The following MID2 variants were observed in gnomAD, a reference collection of about 807,000 sequenced individuals.
The protein encoded by MID2 is midline 2, also known as probable E3 ubiquitin-protein ligase MID2.
A neutral mutation model predicts 46.1 loss-of-function variants in MID2; 13 were observed. That is an observed-to-expected ratio of 0.28 (90% CI 0.18 to 0.45). MID2 has a LOEUF of 0.45. Among genes scored for constraint, MID2 ranks in the 20% least tolerant of loss-of-function variants. The pLI is 1.00. For missense variants in MID2, 431 were observed against 575.4 expected (o/e 0.75, Z 2.57); for synonymous variants, 199 against 212.3 (o/e 0.94, Z 0.55).
chrX:107,891,232 T>C (rs1395581190), intron 3 of MID2, among the ~76,000 whole-genome samples: 6 of 109,394 alleles, frequency 5.5e-5, no homozygotes, highest in Non-Finnish European at 1.1e-4. Flanking sequence ...AGACTGGAGC[T>C]GTTCCTATTC....
rs1354135973 is a variant in MID2, at chrX:107,841,138, A to G, written c.473A>G (p.Glu158Gly). The change falls in exon 2 of 10, where the codon GAG (glutamate) becomes GGG (glycine). Residue 158 changes from glutamate to glycine, a missense_variant. By Grantham distance (98) the Glu-to-Gly change is moderately conservative. Coordinates refer to ENST00000262843, the MANE Select transcript of MID2 (RefSeq NM_012216.4). ...GCAGTAAAAACATGCATCACCTGTG[A>G]GGTCTCCTACTGTGACCGTTGCCTG... ...RDAVKTCITC[E>G]VSYCDRCLRA... 8.3e-7 allele frequency: 1 copy of G among 1,209,332 alleles called. No homozygotes were observed. The highest frequency in any genetic ancestry group is 1.8e-5 in the African/African-American group (1 of 56,965).
chrX:107,900,848 A>G (rs1019196718), intron 3 of MID2, among the ~76,000 whole-genome samples: 3 of 111,904 alleles, frequency 2.7e-5, no homozygotes, highest in African/African-American at 6.5e-5. Context: ...TGCTACCTTG[A>G]TTGGTTTCTT....
At chrX:107,885,529 C>T (rs1932433116) in intron 3 of MID2, among the ~76,000 whole-genome samples, 1 of 111,414 alleles carries the variant, frequency 9.0e-6, no homozygotes, top group African/African-American at 3.3e-5. Flanking sequence ...TATTGTTGGA[C>T]ATTTGGGTTA....
intron 6 of MID2, 111 bp downstream of exon 6, chrX:107,916,240 T>G (rs746012210): frequency 1.4e-4 from 84 of 581,741 alleles, no homozygotes; most frequent in South Asian, 6.4e-4. Flanking sequence ...TTTTATAATC[T>G]TTAAAATGAT....
At chrX:107,844,295 A>G (rs780000618) in intron 2 of MID2, among the ~76,000 whole-genome samples, 11 of 111,522 alleles carry the variant, frequency 9.9e-5, no homozygotes, top group Admixed American at 2.9e-4. Context: ...CAGTCTACCA[A>G]TAGGGTTGAG....
rs778492083 is a variant in MID2, at chrX:107,926,321, C to T, written c.1805+20C>T. 1 of 1,142,826 alleles carries T rather than the reference C, an allele frequency of 8.8e-7. No homozygotes were observed. Among genetic ancestry groups the T allele is most frequent in the South Asian group, 1.9e-5 (1 of 53,850 alleles). 94.2% of individuals were successfully genotyped at this position (1,142,826 alleles called of 1,213,427 possible). ...AACATGGTGAGTGGATCCCATTTTCCTTTTCTTTTCTGTCCTCTGTCATTA... is the reference window on the plus strand; with the variant it reads ...AACATGGTGAGTGGATCCCATTTTCTTTTTCTTTTCTGTCCTCTGTCATTA... On this transcript the variant is annotated intron_variant, in intron 9 of 9. Transcript: ENST00000262843.
At chrX:107,879,615 A>C (rs771388285) in intron 3 of MID2, among the ~76,000 whole-genome samples, 20 of 111,830 alleles carry the variant, frequency 1.8e-4, no homozygotes, top group Non-Finnish European at 3.4e-4. Context: ...GAGGGAAAAC[A>C]GGAATGGATG....
chrX:107,903,821 AC>A (rs763884705), intron 3 of MID2, 136 bp from the exon 4 acceptor site: 36 of 465,388 alleles, frequency 7.7e-5, no homozygotes, highest in Non-Finnish European at 1.2e-4. Context: ...CATCATCTCT[AC>A]CCTTCTTCTA....
chrX:107,929,313 C>G lies in MID2; in HGVS notation c.*2240C>G, dbSNP rs1198644705. ...AAACAAAAAAAAATGATTTTTTTCC[C>G]CTTCATCAAACTTTTCACTGGCTCC... On this transcript the variant is annotated 3_prime_UTR_variant, in exon 10 of 10. Transcript: ENST00000262843. Among the ~76,000 whole-genome samples the G allele has an allele frequency of 9.0e-6, 1 of 110,608 alleles. No homozygotes were observed. The highest frequency in any genetic ancestry group is 1.9e-5 in the Non-Finnish European group (1 of 52,752).
intron 3 of MID2, among the ~76,000 whole-genome samples, chrX:107,871,522 C>T (rs1465539926): frequency 1.8e-5 from 2 of 111,956 alleles, no homozygotes; most frequent in African/African-American, 6.5e-5. Flanking sequence ...GTGTTAACAG[C>T]TCAGTGGAGG....
At chrX:107,901,466 G>A (rs1319013782) in intron 3 of MID2, among the ~76,000 whole-genome samples, 3 of 111,618 alleles carry the variant, frequency 2.7e-5, no homozygotes, top group African/African-American at 6.5e-5. Context: ...TGAGTTTAGG[G>A]TAACTTGAGT....
chrX:107,834,356 A>G (rs754645765), intron 1 of MID2, among the ~76,000 whole-genome samples: 1 of 111,859 alleles, frequency 8.9e-6, no homozygotes, highest in South Asian at 3.7e-4. Context: ...ATGGCAATTG[A>G]TCGTGCCCTC....
intron 3 of MID2, among the ~76,000 whole-genome samples, chrX:107,882,995 T>G: frequency 8.9e-6 from 1 of 111,902 alleles, no homozygotes; most frequent in Non-Finnish European, 1.9e-5. Context: ...ACGTGGCACA[T>G]ATACACCGTG....
intron 3 of MID2, among the ~76,000 whole-genome samples, chrX:107,855,056 T>C (rs1471716834): frequency 9.0e-6 from 1 of 111,028 alleles, no homozygotes; most frequent in East Asian, 2.8e-4. Flanking sequence ...CATAGGGAAG[T>C]TGGGAATCCT....
rs781401349 is a variant in MID2, at chrX:107,930,785, A to G, written c.*3712A>G. 2.7e-5 allele frequency among the ~76,000 whole-genome samples: 3 copies of G among 112,660 alleles called. No homozygotes were observed. Among genetic ancestry groups the G allele is most frequent in the Admixed American group, 1.9e-4 (2 of 10,664 alleles). ...TAACATTTTCAAAGAAGGTGACTGC[A>G]TAAGCTTTTGTTGTTGTTGCTCTAC... On this transcript the variant is annotated 3_prime_UTR_variant, in exon 10 of 10. Coordinates refer to ENST00000262843, the MANE Select transcript of MID2 (RefSeq NM_012216.4).
intron 1 of MID2, among the ~76,000 whole-genome samples, chrX:107,829,846 C>T: frequency 8.9e-6 from 1 of 112,322 alleles, no homozygotes; most frequent in East Asian, 2.8e-4. Context: ...CTGGGAAGTA[C>T]TCCTGTAAAT....
At chrX:107,859,506 C>A (rs762577026) in intron 3 of MID2, among the ~76,000 whole-genome samples, 1 of 112,035 alleles carries the variant, frequency 8.9e-6, no homozygotes, top group Non-Finnish European at 1.9e-5. Context: ...AAAATGGTGC[C>A]TTAAGCACTG....
chrX:107,889,973 T>C (rs1231460124), intron 3 of MID2, among the ~76,000 whole-genome samples: 2 of 112,041 alleles, frequency 1.8e-5, no homozygotes, highest in Non-Finnish European at 3.8e-5. Flanking sequence ...CTCCATCAGG[T>C]CCTTTAAGGA....
rs764089514 is a variant in MID2, at chrX:107,927,732, T to C, written c.*659T>C. ...AACTAGAACAAAAAACTTTTTAATT[T>C]GCTAATTTGAGTGAGAAATATACTG... is the stretch of plus-strand genomic sequence containing the variant. On this transcript the variant is annotated 3_prime_UTR_variant, in exon 10 of 10. Coordinates refer to ENST00000262843, the MANE Select transcript of MID2 (RefSeq NM_012216.4). Among the ~76,000 whole-genome samples, 21 of 112,022 alleles carry C rather than the reference T, an allele frequency of 1.9e-4. No individual in the cohort carries two copies. The highest frequency in any genetic ancestry group is 4.6e-3 in the Middle Eastern group (1 of 218).
Sources: gnomAD v4.1 joint callset for allele counts (sites outside exome capture counted in the v4.1 genomes callset) on GRCh38, gnomAD v4.1.1 for gene constraint, MANE v1.5 for transcripts, NCBI Gene and HGNC (gene_info 2026-07-23, HGNC 2026-07-21) for gene names.